STARD8: variants seen among roughly 807,000 people sequenced by gnomAD.
STARD8 encodes the protein stAR-related lipid transfer protein 8.
In STARD8, 25 loss-of-function variants were observed where a neutral mutation model predicts 69.4. That is an observed-to-expected ratio of 0.36 (90% CI 0.26 to 0.50). The LOEUF is 0.50. STARD8 is among the 20% of genes least tolerant of loss of function. The pLI is 0.96. For synonymous variants in STARD8, 389 were observed against 374.6 expected (o/e 1.04, Z -0.45); for missense variants, 921 against 932.5 (o/e 0.99, Z 0.16).
intron 2 of STARD8, among the ~76,000 whole-genome samples, chrX:68,670,837 C>A (rs909105171): frequency 2.7e-5 from 3 of 111,662 alleles, no homozygotes; most frequent in Non-Finnish European, 5.6e-5. Flanking sequence ...GAGTCACGGG[C>A]GTTACCTGGA....
At chrX:68,652,952 CCA>C (rs1464114640) in intron 1 of STARD8, among the ~76,000 whole-genome samples, 51 of 43,953 alleles carry the variant, frequency 1.2e-3, no homozygotes, top group African/African-American at 3.4e-3. Flanking sequence ...ACACACCACA[CCA>C]CACACACACA....
At chrX:68,652,859 A>C (rs1437582210) in intron 1 of STARD8, among the ~76,000 whole-genome samples, 3 of 18,078 alleles carry the variant, frequency 1.7e-4, no homozygotes, top group African/African-American at 2.6e-4. Flanking sequence ...ACACCACACC[A>C]CACACACACA....
Position 68,724,151 on chromosome X carries a change from C to T in STARD8, c.3194+30C>T, listed in dbSNP as rs200161644. ...CAGGCCTGGGACAGCCTGCTCGACC[C>T]CCTTGGCCTTGACCCCCTCCCCTGC... On this transcript the variant is annotated intron_variant, in intron 14 of 14. Coordinates refer to ENST00000374599, the MANE Select transcript of STARD8 (RefSeq NM_001142503.3). The T allele has an allele frequency of 6.7e-5, 80 of 1,197,707 alleles. 1 individual carries two copies. The East Asian group carries it at 2.4e-3, about 35-fold the overall frequency.
rs139031709 is a variant in STARD8 at position 68,671,095 on chromosome X, A to G, written c.79+5563A>G. On this transcript the variant is annotated intron_variant, in intron 2 of 14. Transcript: ENST00000374599. ...AAAAGAAAAACTTAGGCATCCTCAAAAATCTTTGGTCATTTCCTACCTTTG... is the reference window on the plus strand; with the variant it reads ...AAAAGAAAAACTTAGGCATCCTCAAGAATCTTTGGTCATTTCCTACCTTTG... 3.1e-3 allele frequency among the ~76,000 whole-genome samples: 353 copies of G among 112,244 alleles called. 2 individuals are homozygous for G. Among genetic ancestry groups the G allele is most frequent in the African/African-American group, 0.011 (334 of 30,908 alleles).
chrX:68,718,640 G>A lies in STARD8; in HGVS notation c.1715+11G>A, dbSNP rs376197686. On this transcript the variant is annotated intron_variant, in intron 6 of 14. Coordinates refer to ENST00000374599, the MANE Select transcript of STARD8 (RefSeq NM_001142503.3). ...TACCAGACCCTGCAGGTGAGAGTTTGGGTTGGGATGGGGCGGACGCAGGGT... is the reference window on the plus strand; with the variant it reads ...TACCAGACCCTGCAGGTGAGAGTTTAGGTTGGGATGGGGCGGACGCAGGGT... The A allele has an allele frequency of 4.2e-5, 49 of 1,175,891 alleles. No individual in the cohort carries two copies. The highest frequency in any genetic ancestry group is 5.2e-5 in the Non-Finnish European group (46 of 878,111).
At chrX:68,699,711 G>A (rs1169547445) in intron 2 of STARD8, among the ~76,000 whole-genome samples, 5 of 111,954 alleles carry the variant, frequency 4.5e-5, no homozygotes. Context: ...CAGGAAATGG[G>A]GCACTGGAAA....
intron 1 of STARD8, among the ~76,000 whole-genome samples, chrX:68,653,570 C>CACAT (rs2079590673): frequency 1.6e-5 from 1 of 61,121 alleles, no homozygotes; most frequent in African/African-American, 6.2e-5. Context: ...ACACCACACA[C>CACAT]ACACCACACA....
At position 68,698,833 on chromosome X, in the gene STARD8, G is replaced by C. The variant is rs187624270; in HGVS notation, c.80-14081G>C. Among the ~76,000 whole-genome samples the C allele has an allele frequency of 4.6e-4, 51 of 111,468 alleles. 1 individual carries two copies. The highest frequency in any genetic ancestry group is 1.7e-3 in the African/African-American group (51 of 30,633). ...AAGTGGGTAGGGCAGTTGGCAGGCA[G>C]ACTCAGTGGTCTGTGAGCCTTCCTT... On this transcript the variant is annotated intron_variant, in intron 2 of 14. Transcript: ENST00000374599.
Position 68,721,082 on chromosome X carries a change from C to T in STARD8, c.2208C>T (p.Phe736=), listed in dbSNP as rs2080144288. The T allele has an allele frequency of 8.3e-7, 1 of 1,210,414 alleles. No homozygotes were observed. The highest frequency in any genetic ancestry group is 1.7e-5 in the African/African-American group (1 of 57,235). The change falls in exon 9 of 15, where the codon TTC becomes TTT. Residue 736 remains phenylalanine, a synonymous_variant. Coordinates refer to ENST00000374599, the MANE Select transcript of STARD8 (RefSeq NM_001142503.3). ...QYFRDLPEPI[F]TSKLTTTFLQ... is the part of the protein sequence containing the mutation. ...TCCGGGACCTGCCTGAGCCCATCTT[C>T]ACCAGCAAGCTCACCACCACTTTCC...
At chrX:68,701,738 G>A (rs939550634) in intron 2 of STARD8, among the ~76,000 whole-genome samples, 1 of 112,033 alleles carries the variant, frequency 8.9e-6, no homozygotes, top group Admixed American at 9.4e-5. Flanking sequence ...TGCCTGATTA[G>A]CACCTTCTAG....
chrX:68,653,267 ACACACCACACCACACACACAC>A (rs1478695537), intron 1 of STARD8, among the ~76,000 whole-genome samples: 9 of 61,132 alleles, frequency 1.5e-4, no homozygotes, highest in African/African-American at 4.9e-4. Flanking sequence ...CACACACACC[ACACACCACACCACACACACAC>A]CACACACCAC....
chrX:68,721,592 G>A lies in STARD8; in HGVS notation c.2305G>A (p.Asp769Asn). Residue 769 changes from aspartate to asparagine, a missense_variant, in exon 10 of 15, where the codon GAT becomes AAT. Physicochemically the swap from Asp to Asn is conservative, Grantham distance 23 (BLOSUM62 1). Coordinates refer to ENST00000374599, the MANE Select transcript of STARD8 (RefSeq NM_001142503.3). ...ACAAGCCGCCACCTTGCTGCTCCCCGATGAGAACCGAGAGGTGCTACAGAC... is the reference window on the plus strand; with the variant it reads ...ACAAGCCGCCACCTTGCTGCTCCCCAATGAGAACCGAGAGGTGCTACAGAC... The part of the protein sequence containing the change: ...AAQAATLLLP[D>N]ENREVLQTLL... 8.3e-7 allele frequency: 1 copy of A among 1,211,861 alleles called. No individual in the cohort carries two copies. Among genetic ancestry groups the A allele is most frequent in the Non-Finnish European group, 1.1e-6 (1 of 895,550 alleles).
At chrX:68,693,497 A>G (rs1417266671) in intron 2 of STARD8, 2 of 266,880 alleles carry the variant, frequency 7.5e-6, no homozygotes, top group Non-Finnish European at 1.0e-5. Flanking sequence ...AGGGCCTTGG[A>G]GGACCTGCAG....
chrX:68,696,491 G>T (rs1038187660), intron 2 of STARD8, among the ~76,000 whole-genome samples: 10 of 112,075 alleles, frequency 8.9e-5, no homozygotes, highest in Non-Finnish European at 1.7e-4. Flanking sequence ...TTGGTAACTT[G>T]CATGCTAAAC....
intron 5 of STARD8, 88 bp downstream of exon 5, chrX:68,716,519 A>G: frequency 1.0e-6 from 1 of 964,781 alleles, no homozygotes; most frequent in South Asian, 2.2e-5. Flanking sequence ...AACTAGCTCC[A>G]GTATCCCAGG....
chrX:68,696,593 A>T (rs926078958), intron 2 of STARD8, among the ~76,000 whole-genome samples: 1 of 112,067 alleles, frequency 8.9e-6, no homozygotes, highest in East Asian at 2.8e-4. Context: ...GGAGCAAAGA[A>T]CAGGGGATTG....
chrX:68,700,572 AG>A (rs2079959151), intron 2 of STARD8, among the ~76,000 whole-genome samples: 1 of 112,421 alleles, frequency 8.9e-6, no homozygotes, highest in South Asian at 3.7e-4. Context: ...GGCTGGCCAA[AG>A]GCTGGCCTGT....
At position 68,652,997 on chromosome X, in the gene STARD8, CCA is replaced by C. The variant is rs1369723673; in HGVS notation, c.45+5080_45+5081del. On this transcript the variant is annotated intron_variant, in intron 1 of 14. Coordinates refer to ENST00000374599, the MANE Select transcript of STARD8 (RefSeq NM_001142503.3). ...CCACACACCACACACACACCACACA[CCA>C]CACACACACCACCACACACACACAC... 3.4e-4 allele frequency among the ~76,000 whole-genome samples: 14 copies of C among 41,213 alleles called. 1 individual carries two copies. Among genetic ancestry groups the C allele is most frequent in the African/African-American group, 1.3e-3 (14 of 10,935 alleles). The allele number at this position is 41,213 out of a possible 115,157, so 35.8% of individuals were successfully genotyped here. A position where few individuals can be genotyped will look rare whatever the true frequency, so the allele number is the denominator to read the frequency against.
intron 2 of STARD8, among the ~76,000 whole-genome samples, chrX:68,693,415 T>C (rs757073204): frequency 1.7e-4 from 19 of 112,817 alleles, no homozygotes; most frequent in African/African-American, 6.1e-4. Flanking sequence ...GCCAAGTCAC[T>C]GCTTGAGCCT....
Sources: gnomAD v4.1 joint callset for allele counts (sites outside exome capture counted in the v4.1 genomes callset) on GRCh38, gnomAD v4.1.1 for gene constraint, MANE v1.5 for transcripts, NCBI Gene and HGNC (gene_info 2026-07-23, HGNC 2026-07-21) for gene names.